MSL3: variants seen among roughly 807,000 people sequenced by gnomAD.
MSL3 encodes the protein MSL3-like 1.
Under a neutral mutation model 37.2 loss-of-function variants are expected in MSL3, and 5 were observed. The observed-to-expected ratio is 0.13, with a 90% CI of 0.07 to 0.28. The LOEUF (loss-of-function observed/expected upper bound fraction) is 0.28. MSL3 is among the 10% of genes least tolerant of loss of function. MSL3 has a pLI of 1.00. For missense variants in MSL3, 315 were observed against 408.5 expected, an observed-to-expected ratio of 0.77 and a Z score of 1.97; for synonymous variants, 149 against 147.6, an observed-to-expected ratio of 1.01 and a Z score of -0.07.
intron 6 of MSL3, 118 bp downstream of exon 6, chrX:11,762,370 C>A: frequency 1.6e-6 from 1 of 643,033 alleles, no homozygotes; most frequent in Non-Finnish European, 2.3e-6. Flanking sequence ...TATTTTTCAG[C>A]TTTGTATTGA....
chrX:11,759,081 C>G (rs1036447739), intron 1 of MSL3, among the ~76,000 whole-genome samples: 13 of 111,745 alleles, frequency 1.2e-4, no homozygotes, highest in African/African-American at 4.2e-4. Flanking sequence ...CACCAGGTCT[C>G]CCAGATCCCC....
Position 11,762,156 on chromosome X carries a change from A to G in MSL3, c.492A>G (p.Arg164=), listed in dbSNP as rs1190813374. ...EVKEEPELQT[R]REMEERTITI... ...AAGAAGAACCAGAGCTTCAAACAAG[A>G]AGGGAAATGGAAGAAAGAACAATAA... Residue 164 remains arginine (R), a synonymous_variant, in exon 6 of 13, where the codon AGA becomes AGG. Coordinates refer to ENST00000312196, the MANE Select transcript of MSL3 (RefSeq NM_078629.4). 3.4e-6 allele frequency: 4 copies of G among 1,163,184 alleles called. No individual in the cohort carries two copies. The highest frequency in any genetic ancestry group is 3.4e-6 in the Non-Finnish European group (3 of 871,659).
At chrX:11,771,799 T>G (rs746294587) in intron 10 of MSL3, among the ~76,000 whole-genome samples, 1 of 111,883 alleles carries the variant, frequency 8.9e-6, no homozygotes, top group Admixed American at 9.4e-5. Flanking sequence ...CAGGCTGGTC[T>G]CAAGCTCCCG....
In MSL3 at chrX:11,775,245, A is replaced by G. The variant is rs2053264892; in HGVS notation, c.*166A>G. 4.6e-5 allele frequency: 19 copies of G among 416,445 alleles called. No individual in the cohort carries two copies. The highest frequency in any genetic ancestry group is 7.1e-5 in the Non-Finnish European group (17 of 237,918). 34.3% of individuals were successfully genotyped at this position (416,445 alleles called of 1,213,427 possible). ...ACATACTGCAGTTATTCTGTTAGGA[A>G]TGATTCCCTGGGTGCCTGAAAGTGC... On this transcript the variant is annotated 3_prime_UTR_variant, in exon 13 of 13. Transcript: ENST00000312196.
rs765819524 is a variant in MSL3, at chrX:11,765,522, T to C, written c.964T>C (p.Ser322Pro). The change falls in exon 9 of 13, where the codon TCC becomes CCC. Residue 322 changes from serine to proline, a missense_variant. Ser to Pro is a moderately conservative substitution (Grantham distance 74). Coordinates refer to ENST00000312196, the MANE Select transcript of MSL3 (RefSeq NM_078629.4). ...PPLLNPSTPQ[S>P]TESQPTTGEP... is the part of the protein sequence containing the mutation. ...TTTGTTGAATCCATCCACGCCACAG[T>C]CCACAGAGAGTCAGCCGACCACCGG... 1 of 1,207,278 alleles carries C rather than the reference T, an allele frequency of 8.3e-7. No individual in the cohort carries two copies. The highest frequency in any genetic ancestry group is 1.8e-5 in the African/African-American group (1 of 56,642).
chrX:11,758,737 G>A (rs909265070), intron 1 of MSL3: 7 of 1,165,514 alleles, frequency 6.0e-6, no homozygotes, highest in Non-Finnish European at 8.0e-6. Context: ...CTGGTGCCGG[G>A]TGGGCTCCTG....
At position 11,758,382 on chromosome X, in the gene MSL3, A is replaced by G; in HGVS notation, c.102+17A>G. On this transcript the variant is annotated intron_variant, in intron 1 of 12. Transcript: ENST00000312196. Reference sequence around the variant, plus strand: ...GATGCCAAGGTGCCGCCGCGGAGGGACAGGGAGGAGGCGCGGGCTGGGGGA... The same window carrying G: ...GATGCCAAGGTGCCGCCGCGGAGGGGCAGGGAGGAGGCGCGGGCTGGGGGA... 1 of 1,074,617 alleles carries G rather than the reference A, an allele frequency of 9.3e-7. No homozygotes were observed. The highest frequency in any genetic ancestry group is 1.2e-6 in the Non-Finnish European group (1 of 818,694). The allele number at this position is 1,074,617 out of a possible 1,213,427, so 88.6% of individuals were successfully genotyped here.
At chrX:11,759,513 G>A in intron 1 of MSL3, 1 of 757,701 alleles carries the variant, frequency 1.3e-6, no homozygotes, top group Non-Finnish European at 1.7e-6. Context: ...ATCTAGCCTG[G>A]AGTCTCTCCT....
intron 9 of MSL3, chrX:11,767,806 T>G (rs1254622075): frequency 7.9e-6 from 5 of 633,655 alleles, no homozygotes; most frequent in African/African-American, 2.5e-5. Context: ...CACTAATCTA[T>G]TTGTCTCTAT....
At position 11,760,466 on chromosome X, in the gene MSL3, G is replaced by A; in HGVS notation, c.249G>A (p.Gln83=). 8.3e-7 allele frequency: 1 copy of A among 1,200,771 alleles called. No homozygotes were observed. Among genetic ancestry groups the A allele is most frequent in the Non-Finnish European group, 1.1e-6 (1 of 890,178 alleles). ...LRDTDENRRL[Q]RKLARKAVAR... ...ATACCGATGAAAATCGTAGATTACA[G>A]CGTAAATTGGCAAGAAAAGCTGTAG... Residue 83 remains glutamine, a synonymous_variant, in exon 3 of 13, where the codon CAG becomes CAA. Coordinates refer to ENST00000312196, the MANE Select transcript of MSL3 (RefSeq NM_078629.4).
At chrX:11,764,923 C>A (rs1041446224) in intron 8 of MSL3, among the ~76,000 whole-genome samples, 6 of 112,495 alleles carry the variant, frequency 5.3e-5, no homozygotes, top group Non-Finnish European at 5.6e-5. Flanking sequence ...GTCAAAGTCC[C>A]CAGGGCCTAC....
intron 12 of MSL3, among the ~76,000 whole-genome samples, chrX:11,774,774 T>C (rs922538423): frequency 9.0e-6 from 1 of 111,144 alleles, no homozygotes; most frequent in African/African-American, 3.3e-5. Context: ...CTGATGATGG[T>C]GAAGGCATTC....
At chrX:11,760,713 A>G in intron 3 of MSL3, 124 bp from the exon 4 acceptor site, 1 of 626,393 alleles carries the variant, frequency 1.6e-6, no homozygotes, top group African/African-American at 2.3e-5. Flanking sequence ...GGAAATTACC[A>G]TTTATGTTCT....
chrX:11,758,855 C>T, intron 1 of MSL3: 1 of 1,009,589 alleles, frequency 9.9e-7, no homozygotes, highest in South Asian at 2.1e-5. Flanking sequence ...TAGGCCCCAT[C>T]CCGCCTGTAG....
intron 10 of MSL3, among the ~76,000 whole-genome samples, chrX:11,771,380 A>G (rs999908965): frequency 8.9e-6 from 1 of 112,751 alleles, no homozygotes; most frequent in African/African-American, 3.2e-5. Context: ...TCTGAAATTC[A>G]GAATGAAGAC....
In MSL3 at chrX:11,775,242, G is replaced by A. The variant is rs1415020339; in HGVS notation, c.*163G>A. On this transcript the variant is annotated 3_prime_UTR_variant, in exon 13 of 13. Transcript: ENST00000312196. ...CCCACATACTGCAGTTATTCTGTTA[G>A]GAATGATTCCCTGGGTGCCTGAAAG... 1 of 416,140 alleles carries A rather than the reference G, an allele frequency of 2.4e-6. No homozygotes were observed. The highest frequency in any genetic ancestry group is 2.5e-5 in the African/African-American group (1 of 39,543). The allele number at this position is 416,140 out of a possible 1,213,427, so 34.3% of individuals were successfully genotyped here.
At chrX:11,772,072 G>T in intron 10 of MSL3, 84 bp from the exon 11 acceptor site, 2 of 647,494 alleles carry the variant, frequency 3.1e-6, no homozygotes, top group Non-Finnish European at 4.9e-6. Context: ...TCCCCTCTAC[G>T]TACAATTTAC....
chrX:11,761,612 C>T (rs1271512566), intron 5 of MSL3, 30 bp downstream of exon 5: 1 of 956,852 alleles, frequency 1.0e-6, no homozygotes, highest in African/African-American at 2.0e-5. Context: ...AAAACTTTCT[C>T]TTTGTTATAT....
intron 5 of MSL3, among the ~76,000 whole-genome samples, chrX:11,761,808 ATCTT>A (rs1354404300): frequency 8.9e-6 from 1 of 112,336 alleles, no homozygotes; most frequent in East Asian, 2.8e-4. Context: ...AATTATAGTT[ATCTT>A]TCTTTCCAGT....
Sources: allele counts gnomAD v4.1 joint callset (sites outside exome capture counted in the v4.1 genomes callset), GRCh38; gene constraint gnomAD v4.1.1; transcripts MANE v1.5; gene names NCBI Gene and HGNC (gene_info 2026-07-23, HGNC 2026-07-21).